The following LUC7L variants were observed in gnomAD, a reference collection of about 807,000 sequenced individuals.
The protein encoded by LUC7L is LUC7 like, also known as putative RNA-binding protein Luc7-like 1.
A neutral mutation model predicts 51.1 loss-of-function variants in LUC7L; 29 were observed. The observed-to-expected ratio is 0.57, with a 90% CI of 0.42 to 0.77. The LOEUF (loss-of-function observed/expected upper bound fraction) is 0.77. Among genes scored for constraint, LUC7L ranks in the 30% least tolerant of loss-of-function variants. The pLI is 0.00. For synonymous variants in LUC7L, 181 were observed against 180.7 expected (o/e 1.00, Z -0.01); for missense variants, 403 against 511.9 (o/e 0.79, Z 2.05).
At chr16:194,004 CATGTTAGCCAGGA>C (rs1317578345) in intron 6 of LUC7L, among the ~76,000 whole-genome samples, 1 of 152,032 alleles carries the variant, frequency 6.6e-6, no homozygotes, top group Non-Finnish European at 1.5e-5. Flanking sequence ...AGAGTTTCAC[CATGTTAGCCAGGA>C]TGGTCTCGAT....
At chr16:190,882 A>G (rs1035105393) in intron 7 of LUC7L, 11 of 288,626 alleles carry the variant, frequency 3.8e-5, no homozygotes, top group Non-Finnish European at 7.0e-5. Context: ...CTTTGTCTCA[A>G]AAAGAAAAAA....
intron 6 of LUC7L, among the ~76,000 whole-genome samples, chr16:194,377 G>A (rs2049096270): frequency 6.6e-6 from 1 of 152,130 alleles, no homozygotes; most frequent in South Asian, 2.1e-4. Context: ...AAAGTGCTGG[G>A]GTTACAGGCC....
chr16:204,518 G>A (rs921812476), intron 5 of LUC7L, among the ~76,000 whole-genome samples: 5 of 151,454 alleles, frequency 3.3e-5, no homozygotes, highest in Admixed American at 1.3e-4. Context: ...GGTGTGAACC[G>A]AGGAAGCGGA....
intron 6 of LUC7L, among the ~76,000 whole-genome samples, chr16:194,050 G>A (rs1003996661): frequency 1.3e-5 from 2 of 151,782 alleles, no homozygotes; most frequent in Non-Finnish European, 2.9e-5. Context: ...CGATCCGCCC[G>A]CCTCGGCCTC....
chr16:193,088 A>G, intron 6 of LUC7L, 73 bp from the exon 7 acceptor site: 1 of 1,130,770 alleles, frequency 8.8e-7, no homozygotes, highest in Non-Finnish European at 1.3e-6. Context: ...TTAACAAATC[A>G]CCTTTATATG....
chr16:227,316 C>G lies in LUC7L; in HGVS notation c.82G>C (p.Val28Leu). The change falls in exon 2 of 10, where the codon GTC becomes CTC. Residue 28 changes from valine (V) to leucine (L), a missense_variant. By Grantham distance (32) the Val-to-Leu change is conservative (BLOSUM62 1). This residue lies in a region of LUC7L where 182 missense variants were observed against 248.4 expected (regional missense o/e 0.73). Transcript: ENST00000293872. The stretch of plus-strand genomic sequence containing the variant: ...CAGACACGGTCATCTGTAAACTTGA[C>G]CCTCTGTCTGGTTTCGTCTCCTGAA... ...ARDGDETRQR[V>L]KFTDDRVCKS... 1 of 1,610,532 alleles carries G rather than the reference C, an allele frequency of 6.2e-7. No homozygotes were observed. The highest frequency in any genetic ancestry group is 8.5e-7 in the Non-Finnish European group (1 of 1,178,134).
intron 6 of LUC7L, among the ~76,000 whole-genome samples, chr16:196,234 C>T (rs901342885): frequency 2.0e-5 from 3 of 151,964 alleles, no homozygotes; most frequent in African/African-American, 7.3e-5. Flanking sequence ...ACGGTGAAAC[C>T]CCATCTCTAC....
intron 5 of LUC7L, among the ~76,000 whole-genome samples, chr16:200,962 A>T (rs1484429793): frequency 6.6e-6 from 1 of 151,968 alleles, no homozygotes; most frequent in Non-Finnish European, 1.5e-5. Flanking sequence ...AGGCAGGTGG[A>T]TCACAAGGTC....
At chr16:191,827 G>C (rs1024389742) in intron 7 of LUC7L, among the ~76,000 whole-genome samples, 6 of 152,226 alleles carry the variant, frequency 3.9e-5, no homozygotes, top group African/African-American at 1.4e-4. Flanking sequence ...CCTGGTGACA[G>C]AGCGAGACCC....
At chr16:218,814 G>C (rs2049883121) in intron 3 of LUC7L, among the ~76,000 whole-genome samples, 1 of 151,194 alleles carries the variant, frequency 6.6e-6, no homozygotes, top group African/African-American at 2.4e-5. Context: ...TACTGGCCAG[G>C]CATAGTGGCT....
chr16:200,449 G>T (rs769357252), intron 5 of LUC7L, among the ~76,000 whole-genome samples: 11 of 151,282 alleles, frequency 7.3e-5, no homozygotes, highest in Non-Finnish European at 1.5e-4. Context: ...ATGGTGGCAG[G>T]CATCTGTAAT....
At chr16:200,028 C>T (rs2049278052) in intron 5 of LUC7L, among the ~76,000 whole-genome samples, 1 of 151,830 alleles carries the variant, frequency 6.6e-6, no homozygotes, top group Admixed American at 6.6e-5. Flanking sequence ...CAGTGGCTCA[C>T]GCCTGTAATC....
chr16:208,209 C>T (rs1290578892), intron 3 of LUC7L, 21 bp from the exon 4 acceptor site: 7 of 1,528,258 alleles, frequency 4.6e-6, no homozygotes, highest in African/African-American at 1.4e-5. Context: ...AAAAGCACAG[C>T]GCTATAATCA....
At chr16:209,018 TAATA>T (rs1380128106) in intron 3 of LUC7L, 1 of 150,788 alleles carries the variant, frequency 6.6e-6, no homozygotes, top group East Asian at 2.0e-4. Context: ...ACATGGTCTC[TAATA>T]AAAATACAAA....
At chr16:214,728 C>A (rs944785200) in intron 3 of LUC7L, among the ~76,000 whole-genome samples, 2 of 152,126 alleles carry the variant, frequency 1.3e-5, no homozygotes, top group Admixed American at 1.3e-4. Context: ...CAGGGTTTGT[C>A]ATCTTGCCCA....
At chr16:208,322 A>C in intron 3 of LUC7L, 134 bp from the exon 4 acceptor site, 1 of 645,220 alleles carries the variant, frequency 1.5e-6, no homozygotes. Flanking sequence ...AAGATCTTAA[A>C]CTACACTACC....
intron 2 of LUC7L, among the ~76,000 whole-genome samples, chr16:224,943 C>T (rs1398390387): frequency 1.3e-5 from 2 of 152,182 alleles, no homozygotes; most frequent in African/African-American, 4.8e-5. Flanking sequence ...TCTATGATTA[C>T]CCTCTTTGGA....
chr16:196,933 A>T (rs1324258246), intron 6 of LUC7L, among the ~76,000 whole-genome samples: 1 of 135,322 alleles, frequency 7.4e-6, no homozygotes, highest in South Asian at 2.3e-4. Flanking sequence ...TTTGAGACAG[A>T]GTCTCGCTCT....
In LUC7L at chr16:229,366, G is replaced by A. The variant is rs531744740; in HGVS notation, c.-27C>T. 183 of 1,488,852 alleles carry A rather than the reference G, an allele frequency of 1.2e-4. 1 individual carries two copies. The highest frequency in any genetic ancestry group is 4.4e-4 in the Admixed American group (20 of 45,260). 92.2% of individuals were successfully genotyped at this position (1,488,852 alleles called of 1,614,324 possible). On this transcript the variant is annotated 5_prime_UTR_variant, in exon 1 of 10. Transcript: ENST00000293872. ...GTAGCCGGCGGAGGCGACGGGGTCG[G>A]CCGCGACGACTTCTCTCAGGCAGGC...
Sources: gnomAD v4.1 joint callset for allele counts (sites outside exome capture counted in the v4.1 genomes callset) on GRCh38, gnomAD v4.1.1 for gene constraint, gnomAD v4.1.1 regional missense constraint, MANE v1.5 for transcripts, NCBI Gene and HGNC (gene_info 2026-07-23, HGNC 2026-07-21) for gene names.